VTI1A: variants seen among roughly 807,000 people sequenced by gnomAD.
The protein encoded by VTI1A is vesicle transport through interaction with t-SNAREs homolog 1A.
VTI1A carries 22 observed loss-of-function variants against 34.9 expected under a neutral mutation model. The ratio of observed to expected loss-of-function variants is 0.63; its 90% CI spans 0.45 to 0.90. The LOEUF (loss-of-function observed/expected upper bound fraction) is 0.90. VTI1A is among the 40% of genes least tolerant of loss of function. The probability of loss-of-function intolerance (pLI) is 0.00; values close to 1 mark genes in which losing one functional copy is unlikely to be tolerated. For missense variants in VTI1A, 268 were observed against 275.6 expected (o/e 0.97, Z 0.20); for synonymous variants, 87 against 97.3 (o/e 0.89, Z 0.62).
intron 7 of VTI1A, among the ~76,000 whole-genome samples, chr10:112,785,092 A>G (rs1590182216): frequency 6.6e-6 from 1 of 152,060 alleles, no homozygotes; most frequent in South Asian, 2.1e-4. Flanking sequence ...ACAGAAAAAG[A>G]CCTCCATGCC....
chr10:112,729,836 C>T (rs764668160), intron 7 of VTI1A, among the ~76,000 whole-genome samples: 2 of 152,204 alleles, frequency 1.3e-5, no homozygotes, highest in Admixed American at 6.5e-5. Context: ...AGGAAACCTG[C>T]GCCTCTTCAG....
intron 5 of VTI1A, among the ~76,000 whole-genome samples, chr10:112,608,408 G>A (rs1469865924): frequency 2.0e-5 from 3 of 152,090 alleles, no homozygotes; most frequent in Non-Finnish European, 4.4e-5. Flanking sequence ...TAAATAATTT[G>A]CCAAGGAAAA....
intron 3 of VTI1A, among the ~76,000 whole-genome samples, chr10:112,476,850 C>T (rs1848293450): frequency 6.6e-6 from 1 of 152,156 alleles, no homozygotes; most frequent in South Asian, 2.1e-4. Context: ...TGGCTTTACC[C>T]AGTTCCACAT....
chr10:112,737,161 C>T (rs1320871111), intron 7 of VTI1A: 6 of 316,372 alleles, frequency 1.9e-5, no homozygotes, highest in Non-Finnish European at 2.6e-5. Flanking sequence ...ACCTCCACCT[C>T]CCAGGTCCAA....
chr10:112,584,061 T>G (rs1353853743), intron 5 of VTI1A, among the ~76,000 whole-genome samples: 1 of 152,192 alleles, frequency 6.6e-6, no homozygotes, highest in East Asian at 1.9e-4. Context: ...TAGGGGCAAA[T>G]GCACTGTATT....
intron 7 of VTI1A, among the ~76,000 whole-genome samples, chr10:112,786,290 A>T (rs879329128): frequency 1.3e-5 from 2 of 152,144 alleles, no homozygotes; most frequent in Non-Finnish European, 2.9e-5. Flanking sequence ...GTATATTCTC[A>T]TCTTGTGACC....
rs181063908 is a variant in VTI1A, at chr10:112,778,353, T to G, written c.561-36937T>G. ...GGTGGAAGTTCTTCTGCCAAGACCATTCACCATTGTTACCCCACTTGTCCC... is the reference window on the plus strand; with the variant it reads ...GGTGGAAGTTCTTCTGCCAAGACCAGTCACCATTGTTACCCCACTTGTCCC... On this transcript the variant is annotated intron_variant, in intron 7 of 7. Coordinates refer to ENST00000393077, the MANE Select transcript of VTI1A (RefSeq NM_145206.4). 4.2e-3 allele frequency among the ~76,000 whole-genome samples: 643 copies of G among 152,280 alleles called. 5 individuals carry two copies. The highest frequency in any genetic ancestry group is 0.015 in the African/African-American group (610 of 41,576).
At chr10:112,494,427 T>G (rs1848940187) in intron 3 of VTI1A, among the ~76,000 whole-genome samples, 1 of 152,164 alleles carries the variant, frequency 6.6e-6, no homozygotes, top group Non-Finnish European at 1.5e-5. Flanking sequence ...ACTCCAGGTT[T>G]CATTTGCTCT....
chr10:112,727,939 G>A (rs771221349), intron 7 of VTI1A, among the ~76,000 whole-genome samples: 4 of 152,004 alleles, frequency 2.6e-5, no homozygotes, highest in Admixed American at 1.3e-4. Context: ...CCTGAGGACC[G>A]ACCAACTTAA....
intron 7 of VTI1A, among the ~76,000 whole-genome samples, chr10:112,811,465 CG>C (rs1451113037): frequency 6.6e-6 from 1 of 151,938 alleles, no homozygotes; most frequent in Non-Finnish European, 1.5e-5. Flanking sequence ...GAGGCCGAGG[CG>C]GGCGGATCAC....
At chr10:112,646,217 T>C (rs1488169124) in intron 5 of VTI1A, among the ~76,000 whole-genome samples, 2 of 152,106 alleles carry the variant, frequency 1.3e-5, no homozygotes, top group African/African-American at 4.8e-5. Context: ...AGGTCAATAT[T>C]ATGTGCATTC....
chr10:112,533,138 A>G (rs1850504628), intron 4 of VTI1A, among the ~76,000 whole-genome samples: 1 of 152,046 alleles, frequency 6.6e-6, no homozygotes, highest in African/African-American at 2.4e-5. Context: ...AAATAGGGAA[A>G]CATCCTGAAA....
chr10:112,815,203 T>C, intron 7 of VTI1A, 87 bp from the exon 8 acceptor site: 1 of 783,774 alleles, frequency 1.3e-6, no homozygotes, highest in Non-Finnish European at 2.0e-6. Context: ...AAGCTGCCGT[T>C]TGATTAGCCA....
chr10:112,820,253 A>G (rs1317183327), downstream of VTI1A, among the ~76,000 whole-genome samples: 2 of 152,230 alleles, frequency 1.3e-5, no homozygotes, highest in African/African-American at 2.4e-5. Flanking sequence ...AGGTACCAAG[A>G]GCCATTTTTC....
chr10:112,609,556 A>G (rs930068576), intron 5 of VTI1A, among the ~76,000 whole-genome samples: 3 of 152,204 alleles, frequency 2.0e-5, no homozygotes, highest in Non-Finnish European at 4.4e-5. Flanking sequence ...GGATACATGA[A>G]TGGTATGGTA....
intron 3 of VTI1A, among the ~76,000 whole-genome samples, chr10:112,510,640 A>G (rs889485429): frequency 4.0e-5 from 6 of 151,746 alleles, no homozygotes; most frequent in Admixed American, 3.9e-4. Flanking sequence ...ACTCAAAAAA[A>G]CCACCACCAC....
chr10:112,623,438 T>C (rs1845804564), intron 5 of VTI1A, among the ~76,000 whole-genome samples: 1 of 35,520 alleles, frequency 2.8e-5, no homozygotes, highest in African/African-American at 8.7e-5. Context: ...AAAATAACCT[T>C]TTTTTTTTTT....
chr10:112,719,791 C>A (rs1027939767), intron 7 of VTI1A, among the ~76,000 whole-genome samples: 2 of 152,100 alleles, frequency 1.3e-5, no homozygotes, highest in African/African-American at 4.8e-5. Context: ...GGTGATCTGC[C>A]CGTCTCAGCC....
intron 3 of VTI1A, among the ~76,000 whole-genome samples, chr10:112,500,213 G>C (rs1467273032): frequency 6.6e-6 from 1 of 152,092 alleles, no homozygotes; most frequent in African/African-American, 2.4e-5. Flanking sequence ...AAGGTGGGCG[G>C]ATCATGAGGT....
Sources: gnomAD v4.1 joint callset for allele counts (sites outside exome capture counted in the v4.1 genomes callset) on GRCh38, gnomAD v4.1.1 for gene constraint, MANE v1.5 for transcripts, NCBI Gene and HGNC (gene_info 2026-07-23, HGNC 2026-07-21) for gene names.